NIPA2: variants seen among roughly 807,000 people sequenced by gnomAD.
The protein encoded by NIPA2 is NIPA magnesium transporter 2.
A neutral mutation model predicts 29.7 loss-of-function variants in NIPA2; 11 were observed. The observed-to-expected ratio is 0.37, with a 90% CI of 0.23 to 0.61. The LOEUF (loss-of-function observed/expected upper bound fraction) is 0.61, where lower values mean the gene tolerates loss of function less well. Among genes scored for constraint, NIPA2 ranks in the 20% least tolerant of loss-of-function variants. NIPA2 has a pLI of 0.66. For synonymous variants in NIPA2, 183 were observed against 161.9 expected (o/e 1.13, Z -0.99); for missense variants, 426 against 437.9 (o/e 0.97, Z 0.24).
intron 5 of NIPA2, among the ~76,000 whole-genome samples, chr15:22,853,786 A>G (rs1407452966): frequency 6.6e-6 from 1 of 152,186 alleles, no homozygotes; most frequent in Non-Finnish European, 1.5e-5. Flanking sequence ...TGGGTTATCC[A>G]TCCCCTCAAC....
intron 4 of NIPA2, 37 bp downstream of exon 4, chr15:22,851,907 G>T: frequency 6.3e-7 from 1 of 1,581,884 alleles, no homozygotes; most frequent in African/African-American, 1.4e-5. Context: ...AGTGACCTCA[G>T]TGTCTACCTA....
Position 22,845,070 on chromosome 15 carries a change from T to G in NIPA2, c.-215-76T>G, listed in dbSNP as rs531717687. 3 of 152,184 alleles carry G rather than the reference T, an allele frequency of 2.0e-5. No homozygotes were observed. In the South Asian group the frequency reaches 6.2e-4, roughly 32 times the overall value. 9.4% of individuals were successfully genotyped at this position (152,184 alleles called of 1,614,324 possible). On this transcript the variant is annotated intron_variant, in intron 2 of 7. Coordinates refer to ENST00000337451, the MANE Select transcript of NIPA2 (RefSeq NM_030922.7). ...CTAGTTGAAGTGAAATTTAGAAAAT[T>G]TTACTGTTTATCTGTCTTTAATACT...
intron 2 of NIPA2, among the ~76,000 whole-genome samples, 169 bp downstream of exon 2, chr15:22,839,959 G>C (rs1211348725): frequency 6.6e-6 from 1 of 152,148 alleles, no homozygotes; most frequent in East Asian, 1.9e-4. Flanking sequence ...CCAAGGTCTT[G>C]CTCTGTCCCC....
In NIPA2 at chr15:22,851,676, G is replaced by A. The variant is rs1029177255; in HGVS notation, c.-56G>A. The A allele has an allele frequency of 2.7e-6, 4 of 1,489,110 alleles. No homozygotes were observed. Among genetic ancestry groups the A allele is most frequent in the East Asian group, 2.3e-5 (1 of 43,664 alleles). The allele number at this position is 1,489,110 out of a possible 1,614,324, so 92.2% of individuals were successfully genotyped here. A position where few individuals can be genotyped will look rare whatever the true frequency, so the allele number is the denominator to read the frequency against. The stretch of plus-strand genomic sequence containing the variant: ...CTTCATTCTGCCTCTAGTACCAGCG[G>A]TTTCTCTGTTCTGTGATCAATGTGA... On this transcript the variant is annotated 5_prime_UTR_variant, in exon 4 of 8. Coordinates refer to ENST00000337451, the MANE Select transcript of NIPA2 (RefSeq NM_030922.7).
intron 2 of NIPA2, among the ~76,000 whole-genome samples, chr15:22,844,627 C>T (rs565067211): frequency 2.0e-5 from 3 of 151,922 alleles, no homozygotes; most frequent in East Asian, 1.9e-4. Flanking sequence ...TCGTGGTATA[C>T]GCCTGTGGTC....
rs200353669 is a variant in NIPA2 at position 22,866,292 on chromosome 15, A to G, written c.528A>G (p.Thr176=). 35 of 1,613,862 alleles carry G rather than the reference A, an allele frequency of 2.2e-5. No individual in the cohort carries two copies. The highest frequency in any genetic ancestry group is 2.7e-5 in the Non-Finnish European group (32 of 1,179,892). ...TGGTGGGTCCTCGCCATGGACAGAC[A>G]AACATTCTTGTGTACATAACAATCT... ...IFVVGPRHGQ[T]NILVYITICS... Residue 176 remains threonine (T), a synonymous_variant, in exon 8 of 8, where the codon ACA becomes ACG. Transcript: ENST00000337451.
Position 22,867,759 on chromosome 15 carries a change from T to C in NIPA2, c.*912T>C, listed in dbSNP as rs1595460960. ...AAAGTCTGAATGCTTAGAACAAACT[T>C]AACATGTTTATAGAATATGGTCTCT... On this transcript the variant is annotated 3_prime_UTR_variant, in exon 8 of 8. Transcript: ENST00000337451. 1 of 150,064 alleles carries C rather than the reference T, an allele frequency of 6.7e-6. No individual in the cohort carries two copies. Among genetic ancestry groups the C allele is most frequent in the African/African-American group, 2.5e-5 (1 of 39,504 alleles). The allele number at this position is 150,064 out of a possible 1,614,324, so 9.3% of individuals were successfully genotyped here.
chr15:22,839,420 C>A (rs543485433), intron 1 of NIPA2, among the ~76,000 whole-genome samples: 1 of 152,148 alleles, frequency 6.6e-6, no homozygotes, highest in Non-Finnish European at 1.5e-5. Flanking sequence ...AGTTCTGTTT[C>A]TAGAAATCCT....
At chr15:22,841,284 T>G (rs1853350608) in intron 2 of NIPA2, among the ~76,000 whole-genome samples, 1 of 152,222 alleles carries the variant, frequency 6.6e-6, no homozygotes, top group African/African-American at 2.4e-5. Flanking sequence ...TTTATCTGTG[T>G]TGTAGAATTA....
intron 2 of NIPA2, among the ~76,000 whole-genome samples, chr15:22,840,798 G>A (rs1436709061): frequency 6.6e-6 from 1 of 152,158 alleles, no homozygotes; most frequent in Admixed American, 6.5e-5. Context: ...TGTTCAGTAA[G>A]TGGTAGCTAT....
chr15:22,866,147 T>C (rs1363622302), intron 7 of NIPA2, 66 bp from the exon 8 acceptor site: 1 of 1,296,278 alleles, frequency 7.7e-7, no homozygotes, highest in African/African-American at 1.5e-5. Context: ...TTATATTTTG[T>C]TTTGCATTCT....
In NIPA2 at chr15:22,851,846, G is replaced by C; in HGVS notation, c.115G>C (p.Ala39Pro). The C allele has an allele frequency of 6.2e-7, 1 of 1,613,544 alleles. No homozygotes were observed. The highest frequency in any genetic ancestry group is 8.5e-7 in the Non-Finnish European group (1 of 1,179,734). ...ILKKKGLLRL[A>P]RKGSMRAGQG... ...GAAAAAAAAGGGCCTCCTTCGACTT[G>C]CCAGGAAAGGCTCTATGAGAGCAGG... Residue 39 changes from alanine (A) to proline (P), a missense_variant, in exon 4 of 8, where the codon GCC becomes CCC. Ala to Pro is a conservative substitution (Grantham distance 27). Coordinates refer to ENST00000337451, the MANE Select transcript of NIPA2 (RefSeq NM_030922.7).
chr15:22,859,477 A>G (rs2058464889), intron 6 of NIPA2, among the ~76,000 whole-genome samples: 1 of 152,026 alleles, frequency 6.6e-6, no homozygotes, highest in Non-Finnish European at 1.5e-5. Flanking sequence ...TATTTTTAGT[A>G]GAGATGTGGT....
chr15:22,864,160 CTTTTT>C (rs1440069385), intron 7 of NIPA2, among the ~76,000 whole-genome samples: 1 of 151,802 alleles, frequency 6.6e-6, no homozygotes, highest in Non-Finnish European at 1.5e-5. Flanking sequence ...GGCTATCTTT[CTTTTT>C]ATTTTTTTGA....
At chr15:22,847,911 C>G (rs180755673) in intron 3 of NIPA2, among the ~76,000 whole-genome samples, 3 of 152,270 alleles carry the variant, frequency 2.0e-5, no homozygotes, top group Admixed American at 1.3e-4. Context: ...AATTCTCCTG[C>G]CTCAGCCTCC....
At chr15:22,846,842 T>TAA (rs149827404) in intron 3 of NIPA2, among the ~76,000 whole-genome samples, 10,716 of 140,914 alleles carry the variant, frequency 0.076, 587 homozygotes, top group Middle Eastern at 0.18. Flanking sequence ...ATAATAATAA[T>TAA]TATTATTATT....
intron 5 of NIPA2, among the ~76,000 whole-genome samples, chr15:22,855,971 A>G (rs1417470334): frequency 1.3e-5 from 2 of 152,188 alleles, no homozygotes; most frequent in East Asian, 3.9e-4. Flanking sequence ...GTGTGATCCA[A>G]GAATACCACA....
At chr15:22,864,954 C>T (rs1318857682) in intron 7 of NIPA2, among the ~76,000 whole-genome samples, 3 of 151,982 alleles carry the variant, frequency 2.0e-5, no homozygotes, top group African/African-American at 7.2e-5. Flanking sequence ...CTCCACCTCC[C>T]AGATTCAAGC....
chr15:22,842,564 C>CA (rs1246386659), intron 2 of NIPA2, among the ~76,000 whole-genome samples: 1 of 151,344 alleles, frequency 6.6e-6, no homozygotes, highest in Non-Finnish European at 1.5e-5. Context: ...CACGGTAACT[C>CA]ACGCCTGTAA....
Sources: gnomAD v4.1 joint callset for allele counts (sites outside exome capture counted in the v4.1 genomes callset) on GRCh38, gnomAD v4.1.1 for gene constraint, MANE v1.5 for transcripts, NCBI Gene and HGNC (gene_info 2026-07-23, HGNC 2026-07-21) for gene names.